Variants in ITGA8 observed in about 807,000 individuals in gnomAD.
The protein encoded by ITGA8 is integrin alpha-8.
A neutral mutation model predicts 142.3 loss-of-function variants in ITGA8; 91 were observed. The ratio of observed to expected loss-of-function variants is 0.64; its 90% CI spans 0.54 to 0.76. The LOEUF is 0.76. Among genes scored for constraint, ITGA8 ranks in the 30% least tolerant of loss-of-function variants. The pLI, the probability that ITGA8 is intolerant of heterozygous loss-of-function variation, is 0.00. For missense variants in ITGA8, 1,406 were observed against 1,327.7 expected (o/e 1.06, Z -0.92); for synonymous variants, 505 against 485.2 (o/e 1.04, Z -0.54).
intron 2 of ITGA8, among the ~76,000 whole-genome samples, chr10:15,694,100 AC>A (rs914379131): frequency 6.8e-6 from 1 of 146,022 alleles, no homozygotes; most frequent in African/African-American, 2.5e-5. Context: ...TTTATAATAT[AC>A]CTATATATTA....
chr10:15,517,142 T>G lies in ITGA8; in HGVS notation c.*16A>C. On this transcript the variant is annotated 3_prime_UTR_variant, in exon 30 of 30. Coordinates refer to ENST00000378076, the MANE Select transcript of ITGA8 (RefSeq NM_003638.3). ...GGACCAGTGTTTGAGGTCTTTGGTC[T>G]TCTTTTTTTTTCTTGTCATGCCTCA... 1 of 1,595,156 alleles carries G rather than the reference T, an allele frequency of 6.3e-7. No homozygotes were observed. Among genetic ancestry groups the G allele is most frequent in the Non-Finnish European group, 8.6e-7 (1 of 1,166,102 alleles).
chr10:15,576,740 A>G (rs1834305280), intron 23 of ITGA8, among the ~76,000 whole-genome samples: 1 of 152,220 alleles, frequency 6.6e-6, no homozygotes, highest in African/African-American at 2.4e-5. Context: ...AAATGTTCGG[A>G]AAACATCTCA....
At chr10:15,629,012 A>G (rs1426051669) in intron 13 of ITGA8, among the ~76,000 whole-genome samples, 1 of 151,932 alleles carries the variant, frequency 6.6e-6, no homozygotes, top group African/African-American at 2.4e-5. Context: ...AGTGCGGCCC[A>G]GGCTGCAGAG....
chr10:15,683,270 C>T (rs900509622), intron 4 of ITGA8, among the ~76,000 whole-genome samples: 102 of 35,800 alleles, frequency 2.8e-3, no homozygotes, highest in Non-Finnish European at 6.2e-3. Context: ...TGAATCCACC[C>T]ATCCATCCAT....
At chr10:15,648,265 A>C (rs75536920) in intron 11 of ITGA8, among the ~76,000 whole-genome samples, 1 of 152,130 alleles carries the variant, frequency 6.6e-6, no homozygotes, top group South Asian at 2.1e-4. Flanking sequence ...GGCAAATGCA[A>C]TAATCTCAAG....
chr10:15,679,883 G>T (rs1834703310), intron 4 of ITGA8, among the ~76,000 whole-genome samples: 1 of 152,210 alleles, frequency 6.6e-6, no homozygotes, highest in South Asian at 2.1e-4. Context: ...TACTTTAAAA[G>T]AGTTTCTACA....
At chr10:15,619,119 C>T (rs764474614) in intron 13 of ITGA8, among the ~76,000 whole-genome samples, 6 of 152,142 alleles carry the variant, frequency 3.9e-5, no homozygotes, top group Non-Finnish European at 5.9e-5. Flanking sequence ...CCTGATTGCC[C>T]GTAGTGGCAA....
intron 2 of ITGA8, among the ~76,000 whole-genome samples, chr10:15,699,818 T>A (rs1019692480): frequency 6.6e-6 from 1 of 152,312 alleles, no homozygotes; most frequent in Admixed American, 6.5e-5. Flanking sequence ...TCAACTTTTG[T>A]TATTACAGGA....
intron 2 of ITGA8, among the ~76,000 whole-genome samples, chr10:15,710,615 T>C (rs1450851734): frequency 6.6e-6 from 1 of 152,196 alleles, no homozygotes; most frequent in Non-Finnish European, 1.5e-5. Context: ...CAAGAGTTGT[T>C]TGCTGTGCTC....
chr10:15,667,353 T>C (rs1296206418), intron 8 of ITGA8, among the ~76,000 whole-genome samples: 2 of 152,342 alleles, frequency 1.3e-5, no homozygotes, highest in Non-Finnish European at 2.9e-5. Context: ...TTCTGTGGTA[T>C]CGGTGGTGAT....
At chr10:15,609,992 T>A (rs527846832) in intron 15 of ITGA8, among the ~76,000 whole-genome samples, 9 of 152,328 alleles carry the variant, frequency 5.9e-5, no homozygotes, top group African/African-American at 2.2e-4. Flanking sequence ...AAAGGGTTAC[T>A]ATTTATTTAT....
intron 2 of ITGA8, among the ~76,000 whole-genome samples, chr10:15,699,997 TTTAGTTA>T (rs1302762970): frequency 6.6e-6 from 1 of 152,168 alleles, no homozygotes; most frequent in Non-Finnish European, 1.5e-5. Context: ...CATTCTCTTG[TTTAGTTA>T]TTAGTTTCAT....
chr10:15,684,472 T>G (rs1834799852), intron 3 of ITGA8, among the ~76,000 whole-genome samples: 1 of 151,942 alleles, frequency 6.6e-6, no homozygotes, highest in Admixed American at 6.6e-5. Flanking sequence ...GCTCAAGTGA[T>G]CCTCATGCCT....
intron 2 of ITGA8, among the ~76,000 whole-genome samples, chr10:15,698,239 T>C (rs1164090836): frequency 6.6e-6 from 1 of 152,222 alleles, no homozygotes; most frequent in Admixed American, 6.5e-5. Flanking sequence ...TGCCATTATT[T>C]CATTCATTTT....
At chr10:15,638,932 G>A (rs1833819823) in intron 13 of ITGA8, among the ~76,000 whole-genome samples, 2 of 151,874 alleles carry the variant, frequency 1.3e-5, no homozygotes, top group South Asian at 4.2e-4. Context: ...TTTGAAACCA[G>A]CCTGGGCAAC....
rs551210410 is a variant in ITGA8 at position 15,562,436 on chromosome 10, T to A, written c.2638-4234A>T. On this transcript the variant is annotated intron_variant, in intron 25 of 29. Transcript: ENST00000378076. ...TTCAGGGCAGGGGCTTGGAAGGATA[T>A]TAGAAACAGGAGGTTATGGGGGCTT... Among the ~76,000 whole-genome samples, 3 of 152,184 alleles carry A rather than the reference T, an allele frequency of 2.0e-5. No individual in the cohort carries two copies. In the South Asian group the frequency reaches 6.2e-4, roughly 32 times the overall value.
At chr10:15,573,310 G>T (rs111293133) in intron 24 of ITGA8, among the ~76,000 whole-genome samples, 13 of 152,132 alleles carry the variant, frequency 8.5e-5, no homozygotes, top group African/African-American at 3.1e-4. Flanking sequence ...TTTGAAGCAG[G>T]ACTGCCCTGA....
chr10:15,662,604 G>T (rs1252226140), intron 8 of ITGA8, among the ~76,000 whole-genome samples: 1 of 152,046 alleles, frequency 6.6e-6, no homozygotes, highest in African/African-American at 2.4e-5. Flanking sequence ...CTCCTAGAGT[G>T]CTGGGATTAC....
chr10:15,672,843 T>C (rs1425967456), intron 6 of ITGA8, 94 bp from the exon 7 acceptor site: 1 of 1,336,430 alleles, frequency 7.5e-7, no homozygotes, highest in Non-Finnish European at 9.9e-7. Context: ...TATGGTGGAA[T>C]TGCTTGCTTT....
Sources: allele counts gnomAD v4.1 joint callset (sites outside exome capture counted in the v4.1 genomes callset), GRCh38; gene constraint gnomAD v4.1.1; transcripts MANE v1.5; gene names NCBI Gene and HGNC (gene_info 2026-07-23, HGNC 2026-07-21).